RBM44: variants seen among roughly 807,000 people sequenced by gnomAD.
The protein encoded by RBM44 is RNA binding motif protein 44, also known as RNA-binding protein 44.
Under a neutral mutation model 105.1 loss-of-function variants are expected in RBM44, and 66 were observed. That is an observed-to-expected ratio of 0.63 (90% confidence interval 0.52 to 0.77). The LOEUF is 0.77. Ranked by LOEUF, RBM44 falls within the 30% of genes least tolerant of loss-of-function variation. The pLI, the probability that RBM44 is intolerant of heterozygous loss-of-function variation, is 0.00. For missense variants in RBM44, 1,122 were observed against 1,207.8 expected, an observed-to-expected ratio of 0.93 and a Z score of 1.05; for synonymous variants, 365 against 417.6, an observed-to-expected ratio of 0.87 and a Z score of 1.54.
intron 9 of RBM44, 63 bp from the exon 10 acceptor site, chr2:237,824,228 G>T: frequency 6.4e-7 from 1 of 1,550,896 alleles, no homozygotes; most frequent in Non-Finnish European, 8.8e-7. Context: ...ATGGTTTTAA[G>T]GTAACTTTTC....
chr2:237,834,019 A>G lies in RBM44; in HGVS notation c.2909A>G (p.Gln970Arg), dbSNP rs1045714742. The G allele has an allele frequency of 1.3e-6, 2 of 1,553,018 alleles. No homozygotes were observed. The highest frequency in any genetic ancestry group is 8.7e-7 in the Non-Finnish European group (1 of 1,146,810). The stretch of plus-strand genomic sequence containing the variant: ...TAGGGTGTCAAGAAGAATTGTAAGC[A>G]GATTGAATCTGCTAAATTATTACCT... Reference protein sequence around the residue: ...SDQGVKKNCKQIESAKLLPDT... With the variant: ...SDQGVKKNCKRIESAKLLPDT... Residue 970 changes from glutamine to arginine, a missense_variant, in exon 14 of 16, where the codon CAG (glutamine) becomes CGG (arginine). By Grantham distance (43) the Gln-to-Arg change is conservative. Around this residue, in one of 3 missense-constraint regions of RBM44, gnomAD observed 194 missense variants for 225.5 expected, o/e 0.86. Coordinates refer to ENST00000316997, the MANE Select transcript of RBM44 (RefSeq NM_001080504.3).
intron 1 of RBM44, among the ~76,000 whole-genome samples, chr2:237,810,618 A>G (rs2061649431): frequency 2.6e-5 from 4 of 152,214 alleles, no homozygotes. Flanking sequence ...ATTTATTTGC[A>G]AGGGCATTGA....
chr2:237,811,559 C>T (rs1032062709), intron 1 of RBM44, among the ~76,000 whole-genome samples: 5 of 151,904 alleles, frequency 3.3e-5, no homozygotes, highest in Non-Finnish European at 7.4e-5. Flanking sequence ...CATGAGCCAC[C>T]GTGCCCAGCT....
At position 237,841,491 on chromosome 2, in the gene RBM44, A is replaced by G. The variant is rs1011248694; in HGVS notation, c.*23-348A>G. Among the ~76,000 whole-genome samples the G allele has an allele frequency of 4.6e-5, 7 of 152,212 alleles. No homozygotes were observed. In the East Asian group the frequency reaches 1.2e-3, roughly 25 times the overall value. ...CCACGCTTATTACCTGGATGATGAA[A>G]TAATCTATACACTAAACCCTGCAAC... is the stretch of plus-strand genomic sequence containing the variant. On this transcript the variant is annotated intron_variant, in intron 15 of 15. Transcript: ENST00000316997. The surrounding 1 kb of genome is among the most constrained non-coding windows in gnomAD (Gnocchi z 4.5).
intron 13 of RBM44, among the ~76,000 whole-genome samples, chr2:237,830,523 T>G (rs2061893026): frequency 6.6e-6 from 1 of 152,202 alleles, no homozygotes; most frequent in Non-Finnish European, 1.5e-5. Flanking sequence ...CTAAGAAATC[T>G]TAGCATAATC....
At chr2:237,821,433 T>C in intron 7 of RBM44, 65 bp downstream of exon 7, 1 of 1,218,212 alleles carries the variant, frequency 8.2e-7, no homozygotes, top group Non-Finnish European at 1.2e-6. Context: ...TTCAGTTAAC[T>C]TTAAACTTTG....
intron 13 of RBM44, among the ~76,000 whole-genome samples, chr2:237,830,292 C>T (rs768592860): frequency 6.6e-6 from 1 of 151,904 alleles, no homozygotes; most frequent in Non-Finnish European, 1.5e-5. Context: ...ATGTTGTGTC[C>T]ATTTTTATTC....
chr2:237,830,028 CT>C (rs1393128771), intron 13 of RBM44, among the ~76,000 whole-genome samples: 1 of 152,096 alleles, frequency 6.6e-6, no homozygotes, highest in Non-Finnish European at 1.5e-5. Flanking sequence ...AAATTCAATA[CT>C]TTTTGGTGCC....
rs538255124 is a variant in RBM44 at position 237,803,710 on chromosome 2, A to C, written c.-19+4849A>C. 1.4e-4 allele frequency among the ~76,000 whole-genome samples: 21 copies of C among 152,262 alleles called. No individual in the cohort carries two copies. Among genetic ancestry groups the C allele is most frequent in the Middle Eastern group, 3.4e-3 (1 of 294 alleles). ...CTTTGCCTATTCCAAAGTCATGAAT[A>C]TATTGTTGTGTTTTGAGAAACATTA... On this transcript the variant is annotated intron_variant, in intron 1 of 15. Coordinates refer to ENST00000316997, the MANE Select transcript of RBM44 (RefSeq NM_001080504.3). This position sits in a 1 kb window ranked among gnomAD's most constrained non-coding sequence, Gnocchi z 4.2.
At chr2:237,820,616 C>T in intron 5 of RBM44, 1 of 292,810 alleles carries the variant, frequency 3.4e-6, no homozygotes. Context: ...AGAGTTTTTG[C>T]ATGACATGCT....
At chr2:237,837,832 A>C (rs544850342) in intron 15 of RBM44, among the ~76,000 whole-genome samples, 21 of 151,506 alleles carry the variant, frequency 1.4e-4, no homozygotes, top group Non-Finnish European at 2.1e-4. Flanking sequence ...CTTGAGATGC[A>C]GTCTACTACT....
chr2:237,812,998 T>C (rs2061674522), intron 1 of RBM44, among the ~76,000 whole-genome samples: 1 of 152,204 alleles, frequency 6.6e-6, no homozygotes. Context: ...AACAGTTTTG[T>C]TGAGTTATAT....
intron 10 of RBM44, among the ~76,000 whole-genome samples, chr2:237,825,161 AATATAC>A (rs545882362): frequency 5.3e-5 from 8 of 152,136 alleles, no homozygotes; most frequent in Non-Finnish European, 1.0e-4. Context: ...GCATATATTT[AATATAC>A]ATATACAATT....
intron 1 of RBM44, among the ~76,000 whole-genome samples, chr2:237,800,335 G>A (rs892855273): frequency 2.6e-5 from 4 of 152,066 alleles, no homozygotes; most frequent in Non-Finnish European, 4.4e-5. Flanking sequence ...TTGTTCAGTT[G>A]TAAGAGTTTT....
At chr2:237,809,379 G>A (rs2061633285) in intron 1 of RBM44, among the ~76,000 whole-genome samples, 1 of 151,980 alleles carries the variant, frequency 6.6e-6, no homozygotes, top group South Asian at 2.1e-4. Flanking sequence ...ACCCCCGACT[G>A]TCTCCTTTCT....
chr2:237,819,136 C>T (rs2061755732), intron 4 of RBM44, among the ~76,000 whole-genome samples, 177 bp downstream of exon 4: 1 of 152,040 alleles, frequency 6.6e-6, no homozygotes, highest in Non-Finnish European at 1.5e-5. Context: ...TATTAAAGCT[C>T]TTCACTTATT....
chr2:237,833,597 G>T (rs1192933263), intron 13 of RBM44, among the ~76,000 whole-genome samples: 1 of 152,080 alleles, frequency 6.6e-6, no homozygotes, highest in Non-Finnish European at 1.5e-5. Flanking sequence ...AAGCCTTAAT[G>T]CCCTAAGCCT....
intron 2 of RBM44, among the ~76,000 whole-genome samples, chr2:237,816,663 T>C (rs2061720249): frequency 6.6e-6 from 1 of 152,166 alleles, no homozygotes; most frequent in South Asian, 2.1e-4. Context: ...CTTCTTGCTG[T>C]GTCCTCACAT....
intron 1 of RBM44, among the ~76,000 whole-genome samples, chr2:237,807,170 A>G (rs1274374850): frequency 6.6e-6 from 1 of 152,106 alleles, no homozygotes. Context: ...AAAATTTGAG[A>G]TGGAATCTCG....
Sources: allele counts gnomAD v4.1 joint callset (sites outside exome capture counted in the v4.1 genomes callset), GRCh38; gene constraint gnomAD v4.1.1; regional missense constraint gnomAD v4.1.1; non-coding constraint Gnocchi (gnomAD v3.1); transcripts MANE v1.5; gene names NCBI Gene and HGNC (gene_info 2026-07-23, HGNC 2026-07-21).